The following STYK1 variants were observed in gnomAD, a reference collection of about 807,000 sequenced individuals.
STYK1 encodes STY kinase 1, also known as tyrosine-protein kinase STYK1.
Under a neutral mutation model 48.1 loss-of-function variants are expected in STYK1, and 46 were observed. The ratio of observed to expected loss-of-function variants is 0.96; its 90% CI spans 0.75 to 1.22. The LOEUF (loss-of-function observed/expected upper bound fraction) is 1.22. Among genes scored for constraint, STYK1 ranks in the 50% most tolerant of loss-of-function variants. The pLI is 0.00. For missense variants in STYK1, 527 were observed against 521.1 expected (o/e 1.01, Z -0.11); for synonymous variants, 188 against 189.0 (o/e 0.99, Z 0.04).
chr12:10,629,709 C>CAG (rs1429500038), intron 5 of STYK1, 35 bp from the exon 6 acceptor site: 1 of 1,613,118 alleles, frequency 6.2e-7, no homozygotes, highest in Admixed American at 1.7e-5. Flanking sequence ...AGTGAGCAGT[C>CAG]AGAGCATCCT....
At chr12:10,628,961 T>C (rs1158862971) in intron 6 of STYK1, among the ~76,000 whole-genome samples, 1 of 152,202 alleles carries the variant, frequency 6.6e-6, no homozygotes, top group East Asian at 1.9e-4. Flanking sequence ...GTTATATAAT[T>C]ATCTTTATAA....
rs562909703 is a variant in STYK1, at chr12:10,629,740, G to A, written c.452-66C>T. On this transcript the variant is annotated intron_variant, in intron 5 of 10. Coordinates refer to ENST00000075503, the MANE Select transcript of STYK1 (RefSeq NM_018423.3). ...ATCCTCGATGAGTGGGAGGCAGGGAGCAGGAGGCAACTTAAGATGTTAATT... is the reference window on the plus strand; with the variant it reads ...ATCCTCGATGAGTGGGAGGCAGGGAACAGGAGGCAACTTAAGATGTTAATT... 9.5e-6 allele frequency: 15 copies of A among 1,584,920 alleles called. No homozygotes were observed. In the African/African-American group the frequency reaches 1.7e-4, roughly 18 times the overall value.
rs770613736 is a variant in STYK1, at chr12:10,631,302, G to A, written c.194C>T (p.Ala65Val). 1 of 1,614,110 alleles carries A rather than the reference G, an allele frequency of 6.2e-7. No homozygotes were observed. The highest frequency in any genetic ancestry group is 1.7e-5 in the Admixed American group (1 of 60,032). The change falls in exon 5 of 11, where the codon GCC (alanine) becomes GTC (valine). Residue 65 changes from alanine (A) to valine (V), a missense_variant. By Grantham distance (64) the Ala-to-Val change is moderately conservative (BLOSUM62 0). Coordinates refer to ENST00000075503, the MANE Select transcript of STYK1 (RefSeq NM_018423.3). The part of the protein sequence containing the change: ...QQQRSGPQGI[A>V]PVPPPRDLSW... ...TAGGTCCCTAGGTGGAGGAACAGGG[G>A]CAATGCCTAGAACAGAGAGATGATG... is the stretch of plus-strand genomic sequence containing the variant.
intron 3 of STYK1, 100 bp downstream of exon 3, chr12:10,634,467 T>G: frequency 7.5e-7 from 1 of 1,342,010 alleles, no homozygotes; most frequent in South Asian, 1.2e-5. Context: ...TGTCTTCATT[T>G]CTACTGGAAA....
intron 5 of STYK1, 28 bp downstream of exon 5, chr12:10,631,017 A>AG: frequency 6.2e-7 from 1 of 1,608,716 alleles, no homozygotes; most frequent in Non-Finnish European, 8.5e-7. Flanking sequence ...TGTTAGGGGA[A>AG]GGGGGAGTCA....
rs780850321 is a variant in STYK1 at position 10,634,085 on chromosome 12, G to A, written c.92C>T (p.Thr31Ile). ...GATGAGGAAGATAGTAACCAACAAA[G>A]TTGGGACGATAATCACTTCATACTG... is the stretch of plus-strand genomic sequence containing the variant. ...EKQYEVIIVP[T>I]LLVTIFLILL... Residue 31 changes from threonine to isoleucine, a missense_variant, in exon 4 of 11, where the codon ACT becomes ATT. Physicochemically the swap from Thr to Ile is moderately conservative, Grantham distance 89. Coordinates refer to ENST00000075503, the MANE Select transcript of STYK1 (RefSeq NM_018423.3). The A allele has an allele frequency of 5.0e-6, 8 of 1,614,130 alleles. No individual in the cohort carries two copies. Among genetic ancestry groups the A allele is most frequent in the Non-Finnish European group, 6.8e-6 (8 of 1,180,018 alleles).
chr12:10,664,985 G>C (rs1232826418), intron 1 of STYK1, among the ~76,000 whole-genome samples: 2 of 152,308 alleles, frequency 1.3e-5, no homozygotes, highest in South Asian at 2.1e-4. Flanking sequence ...GTCAGAAAAT[G>C]AATCAGAGAT....
At chr12:10,667,909 G>T (rs972292106) in intron 1 of STYK1, among the ~76,000 whole-genome samples, 1 of 152,130 alleles carries the variant, frequency 6.6e-6, no homozygotes, top group Admixed American at 6.5e-5. Flanking sequence ...GTATAGGGAA[G>T]AAAAGCTAGT....
intron 6 of STYK1, among the ~76,000 whole-genome samples, chr12:10,628,054 T>C (rs996288804): frequency 6.6e-5 from 10 of 152,218 alleles, no homozygotes; most frequent in African/African-American, 9.7e-5. Flanking sequence ...GTGTTCATGA[T>C]TAATTTAGCA....
chr12:10,626,005 A>G (rs1947354813), intron 7 of STYK1, among the ~76,000 whole-genome samples: 1 of 152,218 alleles, frequency 6.6e-6, no homozygotes, highest in African/African-American at 2.4e-5. Context: ...AAAACTATAC[A>G]TGACTGAAGA....
chr12:10,652,270 C>T (rs1947670453), intron 1 of STYK1, among the ~76,000 whole-genome samples: 1 of 152,108 alleles, frequency 6.6e-6, no homozygotes, highest in South Asian at 2.1e-4. Flanking sequence ...CACACACATT[C>T]TTTCTCTCCC....
Position 10,620,055 on chromosome 12 carries a change from G to C in STYK1, c.*89C>G. 7.0e-7 allele frequency: 1 copy of C among 1,422,216 alleles called. No homozygotes were observed. Among genetic ancestry groups the C allele is most frequent in the Non-Finnish European group, 9.8e-7 (1 of 1,016,172 alleles). The allele number at this position is 1,422,216 out of a possible 1,614,324, so 88.1% of individuals were successfully genotyped here. A position where few individuals can be genotyped will look rare whatever the true frequency, so the allele number is the denominator to read the frequency against. On this transcript the variant is annotated 3_prime_UTR_variant, in exon 11 of 11. Transcript: ENST00000075503. ...GAATCCATGTCCCATTTCTCCCTTT[G>C]TGTCCCTGGGAAAGACCATTCTCTG...
chr12:10,667,528 G>C (rs1947845872), intron 1 of STYK1: 2 of 152,118 alleles, frequency 1.3e-5, no homozygotes, highest in Non-Finnish European at 2.9e-5. Context: ...TACTGGGGAG[G>C]TTGAGATGGG....
At chr12:10,650,271 G>A (rs1485241626) in intron 1 of STYK1, among the ~76,000 whole-genome samples, 1 of 152,100 alleles carries the variant, frequency 6.6e-6, no homozygotes, top group Non-Finnish European at 1.5e-5. Context: ...CTGTAGTAAA[G>A]GAGAAAGAAT....
rs756104590 is a variant in STYK1, at chr12:10,631,038, G to C, written c.451+7C>G. On this transcript the variant is annotated splice_region_variant and intron_variant, in intron 5 of 10. Transcript: ENST00000075503. The stretch of plus-strand genomic sequence containing the variant: ...GGGAAGGGGGAGTCAAACACTTCTT[G>C]TTTTACCTTTTAAAGCCTTGAGAAT... The C allele has an allele frequency of 8.1e-6, 13 of 1,612,076 alleles. No homozygotes were observed. The highest frequency in any genetic ancestry group is 1.0e-5 in the Non-Finnish European group (12 of 1,178,696).
intron 1 of STYK1, among the ~76,000 whole-genome samples, chr12:10,655,624 T>G (rs1273826382): frequency 6.6e-6 from 1 of 152,216 alleles, no homozygotes; most frequent in Non-Finnish European, 1.5e-5. Context: ...GAATCTTCCT[T>G]TCTCTGAGGC....
chr12:10,652,506 A>G (rs992777979), intron 1 of STYK1, among the ~76,000 whole-genome samples: 1 of 152,186 alleles, frequency 6.6e-6, no homozygotes, highest in Non-Finnish European at 1.5e-5. Flanking sequence ...TATTCCCCAC[A>G]TCCTTCCCTC....
intron 9 of STYK1, 134 bp downstream of exon 9, chr12:10,622,504 G>T: frequency 1.1e-6 from 1 of 941,706 alleles, no homozygotes; most frequent in Non-Finnish European, 1.6e-6. Flanking sequence ...ATCAGGCTTA[G>T]ATAACATGTC....
intron 8 of STYK1, among the ~76,000 whole-genome samples, chr12:10,624,282 A>G (rs1208437824): frequency 1.3e-5 from 2 of 151,346 alleles, no homozygotes; most frequent in Non-Finnish European, 2.9e-5. Flanking sequence ...AAAATAGCCA[A>G]GCAGGGTGGT....
Sources: gnomAD v4.1 joint callset for allele counts (sites outside exome capture counted in the v4.1 genomes callset) on GRCh38, gnomAD v4.1.1 for gene constraint, MANE v1.5 for transcripts, NCBI Gene and HGNC (gene_info 2026-07-23, HGNC 2026-07-21) for gene names.